The following UBE2R2 variants were observed in gnomAD, a reference collection of about 807,000 sequenced individuals.
UBE2R2 encodes ubiquitin-conjugating enzyme E2 R2.
UBE2R2 carries 1 observed loss-of-function variant against 27.8 expected under a neutral mutation model. The ratio of observed to expected loss-of-function variants is 0.04; its 90% CI spans 0.01 to 0.17. The LOEUF is 0.17. Ranked by LOEUF, UBE2R2 falls within the 10% of genes least tolerant of loss-of-function variation. The pLI, the probability that UBE2R2 is intolerant of heterozygous loss-of-function variation, is 1.00. For synonymous variants in UBE2R2, 106 were observed against 113.3 expected, an observed-to-expected ratio of 0.94 and a Z score of 0.41; for missense variants, 100 against 291.0, an observed-to-expected ratio of 0.34 and a Z score of 4.78.
chr9:33,845,393 C>T (rs1820821987), intron 1 of UBE2R2, among the ~76,000 whole-genome samples: 1 of 151,704 alleles, frequency 6.6e-6, no homozygotes, highest in Non-Finnish European at 1.5e-5. Context: ...ACTACAGGCG[C>T]CCGCCACCAC....
At chr9:33,852,350 C>T (rs1276988862) in intron 1 of UBE2R2, among the ~76,000 whole-genome samples, 1 of 152,094 alleles carries the variant, frequency 6.6e-6, no homozygotes, top group East Asian at 1.9e-4. Flanking sequence ...TTCTAGCTGG[C>T]CCGGAGTTAC....
chr9:33,893,559 T>C (rs1822033370), intron 2 of UBE2R2, among the ~76,000 whole-genome samples: 1 of 152,220 alleles, frequency 6.6e-6, no homozygotes, highest in African/African-American at 2.4e-5. Context: ...AGTACCTGTT[T>C]TCAGTTCTTT....
In UBE2R2 at chr9:33,856,888, CTTTTTTT is replaced by C. The variant is rs140169417; in HGVS notation, c.178-29973_178-29967del. Among the ~76,000 whole-genome samples, 60 of 82,356 alleles carry C rather than the reference CTTTTTTT, an allele frequency of 7.3e-4. 3 individuals are homozygous for C. Among genetic ancestry groups the C allele is most frequent in the South Asian group, 1.4e-3 (3 of 2,098 alleles). 54.0% of individuals were successfully genotyped at this position (82,356 alleles called of 152,430 possible). A position where few individuals can be genotyped will look rare whatever the true frequency, so the allele number is the denominator to read the frequency against. On this transcript the variant is annotated intron_variant, in intron 1 of 4. Transcript: ENST00000263228. ...GTCCGTCCTTCCTTCCTTCCTTTCA[CTTTTTTT>C]TTTTTTTTTTTTTTTTTTTGAGACA... is the stretch of plus-strand genomic sequence containing the variant.
chr9:33,837,205 C>CT (rs1171109570), intron 1 of UBE2R2, among the ~76,000 whole-genome samples: 1 of 152,140 alleles, frequency 6.6e-6, no homozygotes, highest in Non-Finnish European at 1.5e-5. Flanking sequence ...ATTAACATAT[C>CT]TTTTTCTCTT....
intron 1 of UBE2R2, among the ~76,000 whole-genome samples, chr9:33,871,761 A>G (rs1385420597): frequency 1.3e-5 from 2 of 152,264 alleles, no homozygotes; most frequent in South Asian, 4.1e-4. Flanking sequence ...CCCAGGCTGG[A>G]GTACAGTGGC....
chr9:33,915,920 C>T (rs1053479981), intron 4 of UBE2R2, among the ~76,000 whole-genome samples: 1 of 152,146 alleles, frequency 6.6e-6, no homozygotes, highest in Non-Finnish European at 1.5e-5. Flanking sequence ...TTCTGAGTGA[C>T]AGGAAGGAGC....
rs142845890 is a variant in UBE2R2 at position 33,864,203 on chromosome 9, G to GA, written c.178-22671dup. ...TAAAGATACTTCATCAATAAGGGCA[G>GA]AAAAAAACGGAAAGGAAAAACTTCT... On this transcript the variant is annotated intron_variant, in intron 1 of 4. Coordinates refer to ENST00000263228, the MANE Select transcript of UBE2R2 (RefSeq NM_017811.4). Among the ~76,000 whole-genome samples the GA allele has an allele frequency of 4.9e-4, 74 of 152,168 alleles. No homozygotes were observed. In the East Asian group the frequency reaches 0.014, roughly 29 times the overall value.
chr9:33,831,378 T>C (rs1820475380), intron 1 of UBE2R2, among the ~76,000 whole-genome samples: 1 of 152,166 alleles, frequency 6.6e-6, no homozygotes, highest in Non-Finnish European at 1.5e-5. Context: ...AAAAGAGTTT[T>C]GTTATTCAAA....
At chr9:33,852,954 G>C (rs1821000130) in intron 1 of UBE2R2, among the ~76,000 whole-genome samples, 1 of 152,146 alleles carries the variant, frequency 6.6e-6, no homozygotes, top group African/African-American at 2.4e-5. Flanking sequence ...GTTGCAGTGA[G>C]CTGAGATTGC....
intron 3 of UBE2R2, among the ~76,000 whole-genome samples, chr9:33,911,663 A>G (rs1822494303): frequency 2.0e-5 from 3 of 152,108 alleles, no homozygotes. Context: ...CCCTTATACT[A>G]GAATCACTTG....
rs1189877817 is a variant in UBE2R2, at chr9:33,869,193, C to T, written c.178-17688C>T. On this transcript the variant is annotated intron_variant, in intron 1 of 4. Coordinates refer to ENST00000263228, the MANE Select transcript of UBE2R2 (RefSeq NM_017811.4). ...CTGAGGTAGGAGGATTGCTTGAGCC[C>T]GGGAGGTCGAGGCTGCAGTGAGCCC... is the stretch of plus-strand genomic sequence containing the variant. Among the ~76,000 whole-genome samples the T allele has an allele frequency of 2.6e-5, 4 of 152,108 alleles. No homozygotes were observed. In the South Asian group the frequency reaches 8.3e-4, roughly 32 times the overall value.
intron 1 of UBE2R2, among the ~76,000 whole-genome samples, chr9:33,818,388 G>A (rs1473598673): frequency 1.5e-5 from 2 of 136,236 alleles, no homozygotes; most frequent in African/African-American, 2.7e-5. Flanking sequence ...TGGGGGTGGG[G>A]TGGGGGAGGG....
chr9:33,877,546 T>C (rs958499713), intron 1 of UBE2R2, among the ~76,000 whole-genome samples: 4 of 152,226 alleles, frequency 2.6e-5, no homozygotes, highest in Non-Finnish European at 2.9e-5. Context: ...AAATATTAGA[T>C]GCTTAGAGAA....
chr9:33,871,133 T>G (rs1055517927), intron 1 of UBE2R2, among the ~76,000 whole-genome samples: 1 of 152,258 alleles, frequency 6.6e-6, no homozygotes, highest in African/African-American at 2.4e-5. Context: ...TTTATTTCAC[T>G]GTGCTCTTTA....
intron 1 of UBE2R2, among the ~76,000 whole-genome samples, chr9:33,880,057 T>C (rs1821699238): frequency 6.6e-6 from 1 of 151,678 alleles, no homozygotes; most frequent in Admixed American, 6.6e-5. Flanking sequence ...GGCAACTTTT[T>C]GTATTTTTTG....
chr9:33,864,078 C>T (rs946764328), intron 1 of UBE2R2, among the ~76,000 whole-genome samples: 1 of 152,172 alleles, frequency 6.6e-6, no homozygotes, highest in Non-Finnish European at 1.5e-5. Flanking sequence ...CCTTTTGCCT[C>T]AGCCTCCTAA....
chr9:33,841,742 A>G (rs1419430215), intron 1 of UBE2R2, among the ~76,000 whole-genome samples: 1 of 152,148 alleles, frequency 6.6e-6, no homozygotes, highest in African/African-American at 2.4e-5. Flanking sequence ...CATGTTAAAA[A>G]TTCTGGTTCT....
chr9:33,866,608 G>T (rs546366001), intron 1 of UBE2R2, among the ~76,000 whole-genome samples: 1 of 152,234 alleles, frequency 6.6e-6, no homozygotes, highest in East Asian at 1.9e-4. Context: ...GCAGTTGGTG[G>T]ATTTTCACAC....
At chr9:33,862,154 G>T (rs985607223) in intron 1 of UBE2R2, among the ~76,000 whole-genome samples, 1 of 152,008 alleles carries the variant, frequency 6.6e-6, no homozygotes, top group Admixed American at 6.6e-5. Flanking sequence ...TGCCCGGCCT[G>T]TTGATCCACT....
Sources: allele counts gnomAD v4.1 joint callset (sites outside exome capture counted in the v4.1 genomes callset), GRCh38; gene constraint gnomAD v4.1.1; transcripts MANE v1.5; gene names NCBI Gene and HGNC (gene_info 2026-07-23, HGNC 2026-07-21).